The following NWD2 variants were observed in gnomAD, a reference collection of about 807,000 sequenced individuals.
NWD2 encodes the protein NACHT and WD repeat domain containing 2, also known as NACHT and WD repeat domain-containing protein 2.
Under a neutral mutation model 132.7 loss-of-function variants are expected in NWD2, and 37 were observed. That is an observed-to-expected ratio of 0.28 (90% CI 0.21 to 0.37). The LOEUF is 0.37. Ranked by LOEUF, NWD2 falls within the 10% of genes least tolerant of loss-of-function variation. The pLI is 1.00. For synonymous variants in NWD2, 705 were observed against 803.0 expected (o/e 0.88, Z 2.06); for missense variants, 1,592 against 2,122.4 (o/e 0.75, Z 4.91).
intron 3 of NWD2, among the ~76,000 whole-genome samples, chr4:37,378,139 G>A (rs1046750405): frequency 6.6e-6 from 1 of 152,090 alleles, no homozygotes; most frequent in Non-Finnish European, 1.5e-5. Flanking sequence ...GGTTCTCTAT[G>A]CCCTTCATCC....
At chr4:37,428,627 G>C (rs1377550679) in intron 3 of NWD2, among the ~76,000 whole-genome samples, 2 of 152,170 alleles carry the variant, frequency 1.3e-5, no homozygotes, top group African/African-American at 4.8e-5. Flanking sequence ...ATGTTCCCAG[G>C]TGTTGCAGAT....
chr4:37,285,858 G>T (rs1301775571), intron 1 of NWD2, among the ~76,000 whole-genome samples: 4 of 152,124 alleles, frequency 2.6e-5, no homozygotes, highest in African/African-American at 4.8e-5. Flanking sequence ...ATTCCATTCA[G>T]ATGATTGAAT....
At position 37,444,665 on chromosome 4, in the gene NWD2, G is replaced by A; in HGVS notation, c.2677G>A (p.Ala893Thr). The A allele has an allele frequency of 6.4e-7, 1 of 1,552,146 alleles. No individual in the cohort carries two copies. The highest frequency in any genetic ancestry group is 8.7e-7 in the Non-Finnish European group (1 of 1,147,104). The change falls in exon 7 of 7, where the codon GCC (alanine) becomes ACC (threonine). Residue 893 changes from alanine (A) to threonine (T), a missense_variant. Physicochemically the swap from Ala to Thr is moderately conservative, Grantham distance 58 (BLOSUM62 0). Coordinates refer to ENST00000309447, the MANE Select transcript of NWD2 (RefSeq NM_001144990.2). This position sits in a 1 kb window ranked among gnomAD's most constrained non-coding sequence, Gnocchi z 4.8. ...GCAAGAGAAGGAGCTGAAGTTCCTGGCCAACACCCTCCGCAGCATCAAAAA... is the reference window on the plus strand; with the variant it reads ...GCAAGAGAAGGAGCTGAAGTTCCTGACCAACACCCTCCGCAGCATCAAAAA... ...YSQEKELKFL[A>T]NTLRSIKNKV...
chr4:37,296,858 G>T (rs1008073808), intron 1 of NWD2, among the ~76,000 whole-genome samples: 4 of 152,022 alleles, frequency 2.6e-5, no homozygotes, highest in Non-Finnish European at 5.9e-5. Flanking sequence ...AATTAACAAA[G>T]AAAATGTGAT....
chr4:37,445,536 T>C lies in NWD2; in HGVS notation c.3548T>C (p.Phe1183Ser). Residue 1183 changes from phenylalanine to serine, a missense_variant, in exon 7 of 7, where the codon TTT becomes TCT. By Grantham distance (155) the Phe-to-Ser change is radical. Coordinates refer to ENST00000309447, the MANE Select transcript of NWD2 (RefSeq NM_001144990.2). The surrounding 1 kb of genome is among the most constrained non-coding windows in gnomAD (Gnocchi z 4.7). ...DISSPQLTDDFDCRREDSEVV... is the reference protein window; with the variant it reads ...DISSPQLTDDSDCRREDSEVV... ...TCCAGCCCCCAGCTGACTGATGACT[T>C]TGATTGCCGAAGAGAAGACAGTGAG... 6.4e-7 allele frequency: 1 copy of C among 1,552,048 alleles called. No individual in the cohort carries two copies. The highest frequency in any genetic ancestry group is 8.7e-7 in the Non-Finnish European group (1 of 1,147,088).
chr4:37,388,648 A>G lies in NWD2; in HGVS notation c.357+32166A>G, dbSNP rs6826993. Among the ~76,000 whole-genome samples the G allele has an allele frequency of 9.3e-3, 1,366 of 147,422 alleles. 27 individuals carry two copies. The highest frequency in any genetic ancestry group is 0.032 in the African/African-American group (1,289 of 40,494). On this transcript the variant is annotated intron_variant, in intron 3 of 6. Coordinates refer to ENST00000309447, the MANE Select transcript of NWD2 (RefSeq NM_001144990.2). ...TATGTTATATATCATATATAAATAT[A>G]TATATCATATATATCATATATAAAT...
intron 3 of NWD2, among the ~76,000 whole-genome samples, chr4:37,371,810 G>A (rs1720234312): frequency 3.3e-5 from 5 of 152,098 alleles, no homozygotes; most frequent in South Asian, 2.1e-4. Flanking sequence ...AATGCAGAAC[G>A]CTTTTCCCTA....
At position 37,442,370 on chromosome 4, in the gene NWD2, G is replaced by T. The variant is rs565497203; in HGVS notation, c.1297-915G>T. 2.6e-5 allele frequency among the ~76,000 whole-genome samples: 4 copies of T among 152,268 alleles called. No homozygotes were observed. In the South Asian group the frequency reaches 8.3e-4, roughly 32 times the overall value. On this transcript the variant is annotated intron_variant, in intron 6 of 6. Coordinates refer to ENST00000309447, the MANE Select transcript of NWD2 (RefSeq NM_001144990.2). The stretch of plus-strand genomic sequence containing the variant: ...TTTCAAAACAGAAAGACTAAACTTA[G>T]TGGGCTCCTCACATATTTTATCCTT...
intron 3 of NWD2, among the ~76,000 whole-genome samples, chr4:37,414,187 TA>T (rs1481419998): frequency 1.1e-4 from 17 of 152,222 alleles, no homozygotes; most frequent in Non-Finnish European, 2.2e-4. Flanking sequence ...AGGATTACAT[TA>T]AAACTTTTAT....
chr4:37,353,773 T>C (rs951121836), intron 2 of NWD2, among the ~76,000 whole-genome samples: 1 of 152,124 alleles, frequency 6.6e-6, no homozygotes, highest in Non-Finnish European at 1.5e-5. Flanking sequence ...CTTAGCTTTT[T>C]TGCATTGGGT....
chr4:37,343,563 A>T (rs1244619794), intron 2 of NWD2, among the ~76,000 whole-genome samples: 1 of 152,230 alleles, frequency 6.6e-6, no homozygotes, highest in African/African-American at 2.4e-5. Context: ...GTAGCCTTCC[A>T]TTGTAATACC....
At chr4:37,293,793 T>A (rs11730566) in intron 1 of NWD2, among the ~76,000 whole-genome samples, 118,944 of 151,830 alleles carry the variant, frequency 0.78, 47,082 homozygotes, top group Non-Finnish European at 0.85. Context: ...ATGTGGAGTA[T>A]GCCTTCAGCT....
chr4:37,293,258 G>A (rs769991794), intron 1 of NWD2, among the ~76,000 whole-genome samples: 38 of 151,988 alleles, frequency 2.5e-4, no homozygotes, highest in Middle Eastern at 3.4e-3. Flanking sequence ...TTAGCATCAC[G>A]TGCTCTCCTG....
chr4:37,320,879 TG>T (rs1042329288), intron 1 of NWD2, among the ~76,000 whole-genome samples: 1 of 152,022 alleles, frequency 6.6e-6, no homozygotes, highest in African/African-American at 2.4e-5. Flanking sequence ...GAGTTTAGGT[TG>T]GGTGCACTGG....
chr4:37,358,275 G>A (rs1719909609), intron 3 of NWD2, among the ~76,000 whole-genome samples: 1 of 152,070 alleles, frequency 6.6e-6, no homozygotes, highest in Non-Finnish European at 1.5e-5. Context: ...TGGCTGCTGG[G>A]TGAAGAATAG....
intron 3 of NWD2, among the ~76,000 whole-genome samples, chr4:37,413,500 G>A (rs1721203705): frequency 1.3e-5 from 2 of 152,150 alleles, no homozygotes; most frequent in Non-Finnish European, 2.9e-5. Context: ...TGGAGAAATA[G>A]GAATGCTTTT....
intron 2 of NWD2, among the ~76,000 whole-genome samples, chr4:37,336,212 A>G (rs1271589536): frequency 6.6e-6 from 1 of 152,002 alleles, no homozygotes; most frequent in Non-Finnish European, 1.5e-5. Flanking sequence ...TTTCTTAGAT[A>G]TTCTTTGTTA....
chr4:37,341,295 G>A (rs192639662), intron 2 of NWD2, among the ~76,000 whole-genome samples: 3 of 152,192 alleles, frequency 2.0e-5, no homozygotes, highest in Admixed American at 1.3e-4. Flanking sequence ...ATGATGTTCA[G>A]TAGGTTAAGT....
chr4:37,348,915 T>A (rs945099602), intron 2 of NWD2, among the ~76,000 whole-genome samples: 17 of 151,672 alleles, frequency 1.1e-4, no homozygotes, highest in Non-Finnish European at 2.2e-4. Context: ...CTCCCACTTA[T>A]GAGTGAGACA....
Sources: allele counts gnomAD v4.1 joint callset (sites outside exome capture counted in the v4.1 genomes callset), GRCh38; gene constraint gnomAD v4.1.1; non-coding constraint Gnocchi (gnomAD v3.1); transcripts MANE v1.5; gene names NCBI Gene and HGNC (gene_info 2026-07-23, HGNC 2026-07-21).